Variants in EYS observed in about 807,000 individuals in gnomAD.
EYS encodes EGF-like photoreceptor maintenance factor.
In EYS, 250 loss-of-function variants were observed where a neutral mutation model predicts 282.1. The observed-to-expected ratio is 0.89, with a 90% CI of 0.80 to 0.98. EYS has a LOEUF of 0.98. EYS is among the 50% of genes least tolerant of loss of function. The probability of loss-of-function intolerance (pLI) is 0.00; values close to 1 mark genes in which losing one functional copy is unlikely to be tolerated. For missense variants in EYS, 4,016 were observed against 3,709.0 expected (o/e 1.08, Z -2.15); for synonymous variants, 1,355 against 1,282.9 (o/e 1.06, Z -1.20).
intron 30 of EYS, among the ~76,000 whole-genome samples, chr6:64,284,129 G>A (rs545088442): frequency 3.9e-5 from 6 of 152,076 alleles, no homozygotes; most frequent in Admixed American, 6.6e-5. Context: ...GTCCACAGTC[G>A]AAAGTCTCAT....
chr6:64,370,780 T>C (rs1465616949), intron 29 of EYS, among the ~76,000 whole-genome samples: 1 of 152,180 alleles, frequency 6.6e-6, no homozygotes, highest in Non-Finnish European at 1.5e-5. Flanking sequence ...TTTTTCCATT[T>C]CTACTATGTT....
At chr6:64,309,561 CT>C (rs888641755) in intron 29 of EYS, among the ~76,000 whole-genome samples, 17 of 144,286 alleles carry the variant, frequency 1.2e-4, no homozygotes, top group African/African-American at 1.6e-4. Flanking sequence ...TAAATTCCCA[CT>C]TTTTTTTTCA....
chr6:65,405,945 A>T (rs1048160864), intron 5 of EYS, among the ~76,000 whole-genome samples: 5 of 152,064 alleles, frequency 3.3e-5, no homozygotes, highest in Non-Finnish European at 7.4e-5. Flanking sequence ...CAGGAGTGGA[A>T]TTGCTGGATT....
chr6:64,272,471 G>A (rs1296285624), intron 30 of EYS, among the ~76,000 whole-genome samples: 1 of 152,090 alleles, frequency 6.6e-6, no homozygotes, highest in African/African-American at 2.4e-5. Flanking sequence ...CAGCCTGGTG[G>A]TGACAAAATC....
intron 31 of EYS, among the ~76,000 whole-genome samples, chr6:64,099,647 T>A (rs1772758670): frequency 6.6e-6 from 1 of 152,064 alleles, no homozygotes; most frequent in African/African-American, 2.4e-5. Flanking sequence ...AATATATGAG[T>A]ACTTAAGCAT....
chr6:64,506,382 G>T (rs913039208), intron 26 of EYS, among the ~76,000 whole-genome samples: 19 of 152,170 alleles, frequency 1.2e-4, no homozygotes, highest in African/African-American at 4.3e-4. Context: ...TTTCCTAAAT[G>T]TGATAGCTTA....
At chr6:64,869,167 G>A (rs369977764) in intron 19 of EYS, among the ~76,000 whole-genome samples, 19 of 151,492 alleles carry the variant, frequency 1.3e-4, no homozygotes, top group African/African-American at 4.6e-4. Flanking sequence ...CAAGGGAGTG[G>A]CTCTATGTCT....
At position 65,258,837 on chromosome 6, in the gene EYS, T is replaced by G. The variant is rs1767541101; in HGVS notation, c.2023+37026A>C. On this transcript the variant is annotated intron_variant, in intron 12 of 42. Coordinates refer to ENST00000503581, the MANE Select transcript of EYS (RefSeq NM_001142800.2). ...TTTCTGGTTTTTGACCATTTGAAAT[T>G]AACTAAAATTGGTAAAGCATTTGTG... 3.3e-5 allele frequency among the ~76,000 whole-genome samples: 5 copies of G among 152,168 alleles called. No homozygotes were observed. In the South Asian group the frequency reaches 1.0e-3, roughly 31 times the overall value.
intron 29 of EYS, among the ~76,000 whole-genome samples, chr6:64,344,389 A>T (rs1436675650): frequency 6.6e-6 from 1 of 152,056 alleles, no homozygotes; most frequent in African/African-American, 2.4e-5. Context: ...CCTGGGATGC[A>T]AGGCTGGTTC....
At chr6:64,865,419 T>C (rs1766397596) in intron 19 of EYS, among the ~76,000 whole-genome samples, 1 of 152,096 alleles carries the variant, frequency 6.6e-6, no homozygotes, top group Non-Finnish European at 1.5e-5. Flanking sequence ...GTGAACGCCA[T>C]TAGAAATGCA....
intron 2 of EYS, among the ~76,000 whole-genome samples, chr6:65,601,821 G>A (rs781724721): frequency 6.6e-6 from 1 of 151,750 alleles, no homozygotes; most frequent in Admixed American, 6.6e-5. Flanking sequence ...TAATAGTGTG[G>A]GAAATAGTGG....
intron 33 of EYS, among the ~76,000 whole-genome samples, chr6:64,047,123 T>C (rs1431605024): frequency 6.6e-6 from 1 of 152,076 alleles, no homozygotes; most frequent in East Asian, 1.9e-4. Flanking sequence ...GGCACCTTTT[T>C]CCCCAGGTAA....
intron 37 of EYS, among the ~76,000 whole-genome samples, chr6:63,790,963 G>C (rs1445260922): frequency 2.6e-5 from 4 of 152,162 alleles, no homozygotes; most frequent in African/African-American, 4.8e-5. Flanking sequence ...CAGTTATGGA[G>C]AACCCATTTC....
At chr6:65,159,425 T>C (rs1226833187) in intron 12 of EYS, among the ~76,000 whole-genome samples, 1 of 150,852 alleles carries the variant, frequency 6.6e-6, no homozygotes, top group Non-Finnish European at 1.5e-5. Flanking sequence ...GCCAATGACA[T>C]TTTGGCTTAA....
rs142760237 is a variant in EYS at position 64,032,138 on chromosome 6, G to A, written c.6726-32955C>T. Among the ~76,000 whole-genome samples, 614 of 152,126 alleles carry A rather than the reference G, an allele frequency of 4.0e-3. 12 individuals are homozygous for A. The East Asian group carries it at 0.084, about 21-fold the overall frequency. On this transcript the variant is annotated intron_variant, in intron 33 of 42. Coordinates refer to ENST00000503581, the MANE Select transcript of EYS (RefSeq NM_001142800.2). ...CACCTTAAGAGCTGTAACACTCACTGCAAAGGTCCGCAGCTTCACTCCTGA... is the reference window on the plus strand; with the variant it reads ...CACCTTAAGAGCTGTAACACTCACTACAAAGGTCCGCAGCTTCACTCCTGA...
At chr6:65,333,071 T>G (rs1769853935) in intron 11 of EYS, among the ~76,000 whole-genome samples, 1 of 151,432 alleles carries the variant, frequency 6.6e-6, no homozygotes, top group Non-Finnish European at 1.5e-5. Context: ...TTTATTTTAT[T>G]AATTTTACTC....
intron 19 of EYS, among the ~76,000 whole-genome samples, chr6:64,861,183 G>A (rs567833916): frequency 1.3e-5 from 2 of 152,310 alleles, no homozygotes; most frequent in South Asian, 4.1e-4. Flanking sequence ...GTGCGGAACT[G>A]CCCTTAGCCC....
chr6:65,402,732 A>C, intron 6 of EYS, 127 bp from the exon 7 acceptor site: 1 of 608,092 alleles, frequency 1.6e-6, no homozygotes, highest in Admixed American at 2.9e-5. Context: ...TCTGTCAGCA[A>C]TGTGGCAGAT....
At chr6:65,523,701 G>A (rs9354259) in intron 2 of EYS, among the ~76,000 whole-genome samples, 239 of 151,984 alleles carry the variant, frequency 1.6e-3, no homozygotes, top group Admixed American at 3.0e-3. Flanking sequence ...TTAAAAAAAA[G>A]TTTAAATGTT....
Sources: allele counts gnomAD v4.1 joint callset (sites outside exome capture counted in the v4.1 genomes callset), GRCh38; gene constraint gnomAD v4.1.1; transcripts MANE v1.5; gene names NCBI Gene and HGNC (gene_info 2026-07-23, HGNC 2026-07-21).